The following CCT8 variants were observed in gnomAD, a reference collection of about 807,000 sequenced individuals.
The protein encoded by CCT8 is T-complex protein 1 subunit theta.
Under a neutral mutation model 65.7 loss-of-function variants are expected in CCT8, and 10 were observed. That is an observed-to-expected ratio of 0.15 (90% CI 0.09 to 0.26). CCT8 has a LOEUF of 0.26. CCT8 is among the 10% of genes least tolerant of loss of function. The pLI is 1.00. For missense variants in CCT8, 568 were observed against 669.1 expected, an observed-to-expected ratio of 0.85 and a Z score of 1.67; for synonymous variants, 199 against 221.8, an observed-to-expected ratio of 0.90 and a Z score of 0.92.
At chr21:29,071,448 G>A (rs1402467835) in intron 1 of CCT8, among the ~76,000 whole-genome samples, 11 of 149,744 alleles carry the variant, frequency 7.3e-5, no homozygotes. Flanking sequence ...AGTGAGCTGA[G>A]ATCGTGGCAC....
chr21:29,064,832 TA>T, intron 7 of CCT8, 135 bp downstream of exon 7: 3 of 673,100 alleles, frequency 4.5e-6, no homozygotes, highest in Non-Finnish European at 7.6e-6. Flanking sequence ...TTGAAGACTA[TA>T]AATCTGGCAT....
At chr21:29,067,784 G>C (rs2085640271) in intron 3 of CCT8, 79 bp from the exon 4 acceptor site, 3 of 1,103,778 alleles carry the variant, frequency 2.7e-6, no homozygotes, top group Non-Finnish European at 3.6e-6. Flanking sequence ...TTCTTAAATA[G>C]ACTCAATTTT....
intron 14 of CCT8, among the ~76,000 whole-genome samples, chr21:29,057,608 AAAAATATATATATATAT>A (rs1220754424): frequency 8.1e-6 from 1 of 123,954 alleles, no homozygotes; most frequent in Non-Finnish European, 1.9e-5. Flanking sequence ...TACAAAAACT[AAAAATATATATATATAT>A]AAAATATATA....
At chr21:29,069,545 A>C in intron 2 of CCT8, 43 bp from the exon 3 acceptor site, 2 of 1,187,062 alleles carry the variant, frequency 1.7e-6, no homozygotes, top group Non-Finnish European at 2.4e-6. Flanking sequence ...AGCCATTATT[A>C]ATCAAATCCT....
intron 1 of CCT8, among the ~76,000 whole-genome samples, chr21:29,071,726 G>A (rs536286691): frequency 6.6e-6 from 1 of 152,180 alleles, no homozygotes; most frequent in African/African-American, 2.4e-5. Context: ...AATAAGAACT[G>A]TTATTCCAGC....
intron 4 of CCT8, 131 bp downstream of exon 4, chr21:29,067,425 T>C: frequency 3.3e-6 from 2 of 609,116 alleles, no homozygotes; most frequent in Non-Finnish European, 5.1e-6. Context: ...ATATGTACTA[T>C]AATGGCTGGT....
At chr21:29,059,006 TG>T (rs1353684440) in intron 14 of CCT8, among the ~76,000 whole-genome samples, 2 of 151,972 alleles carry the variant, frequency 1.3e-5, no homozygotes, top group Non-Finnish European at 2.9e-5. Flanking sequence ...CTTCAACTCC[TG>T]GGCTCAAGTG....
chr21:29,065,109 A>C lies in CCT8; in HGVS notation c.625-4T>G. On this transcript the variant is annotated splice_region_variant and splice_polypyrimidine_tract_variant and intron_variant, in intron 6 of 14. Coordinates refer to ENST00000286788, the MANE Select transcript of CCT8 (RefSeq NM_006585.4). ...AAGAGGAACTGATACCAGAGCCCTA[A>C]GGAATTGAATACCAAACTCATCAGC... is the stretch of plus-strand genomic sequence containing the variant. The C allele has an allele frequency of 1.2e-6, 2 of 1,613,684 alleles. No homozygotes were observed. Among genetic ancestry groups the C allele is most frequent in the Non-Finnish European group, 1.7e-6 (2 of 1,179,842 alleles).
At chr21:29,062,798 C>T (rs2085578744) in intron 8 of CCT8, 1 of 522,122 alleles carries the variant, frequency 1.9e-6, no homozygotes, top group African/African-American at 1.9e-5. Flanking sequence ...TGGCATTGTT[C>T]TAGAATTGGG....
intron 3 of CCT8, among the ~76,000 whole-genome samples, chr21:29,068,972 A>G (rs563078757): frequency 2.0e-5 from 3 of 152,328 alleles, no homozygotes; most frequent in African/African-American, 7.2e-5. Flanking sequence ...CCCTGCTGGC[A>G]GGCAGTATCT....
At chr21:29,069,717 C>T (rs1471340772) in intron 2 of CCT8, among the ~76,000 whole-genome samples, 1 of 152,186 alleles carries the variant, frequency 6.6e-6, no homozygotes, top group African/African-American at 2.4e-5. Flanking sequence ...TTTCTAATGT[C>T]CTACAATATT....
chr21:29,062,684 G>C (rs1167631817), intron 8 of CCT8, 128 bp from the exon 9 acceptor site: 2 of 724,656 alleles, frequency 2.8e-6, no homozygotes, highest in African/African-American at 1.8e-5. Context: ...TTTTAACTCA[G>C]AACATGTCTG....
chr21:29,063,675 T>C lies in CCT8; in HGVS notation c.763-145A>G, dbSNP rs1415511521. 7 of 722,078 alleles carry C rather than the reference T, an allele frequency of 9.7e-6. No homozygotes were observed. In the Admixed American group the frequency reaches 1.4e-4, roughly 15 times the overall value. 44.7% of individuals were successfully genotyped at this position (722,078 alleles called of 1,614,324 possible). A position where few individuals can be genotyped will look rare whatever the true frequency, so the allele number is the denominator to read the frequency against. ...CATATATTATGAAGCAGCAGAATAC[T>C]GTATGTGTGAAATAGAAACTCAGCT... On this transcript the variant is annotated intron_variant, in intron 7 of 14. Transcript: ENST00000286788.
At chr21:29,057,201 GCT>G (rs1398117146) in intron 14 of CCT8, among the ~76,000 whole-genome samples, 1 of 142,864 alleles carries the variant, frequency 7.0e-6, no homozygotes, top group East Asian at 2.0e-4. Flanking sequence ...ACGGAGTCTT[GCT>G]CTGTTGCCCA....
intron 1 of CCT8, chr21:29,071,813 T>G: frequency 1.6e-6 from 1 of 610,060 alleles, no homozygotes; most frequent in Non-Finnish European, 2.9e-6. Context: ...GAAACTACCA[T>G]TTGATCAGAT....
At chr21:29,066,606 G>GT in intron 6 of CCT8, 110 bp downstream of exon 6, 1 of 624,358 alleles carries the variant, frequency 1.6e-6, no homozygotes, top group Non-Finnish European at 2.8e-6. Context: ...AAATCATGAA[G>GT]TAACATTTAG....
chr21:29,059,791 TACC>T (rs984166406), intron 14 of CCT8: 6 of 152,166 alleles, frequency 3.9e-5, no homozygotes, highest in African/African-American at 1.4e-4. Context: ...TTGTTATAAT[TACC>T]ACCAACTGGT....
intron 7 of CCT8, among the ~76,000 whole-genome samples, chr21:29,064,409 T>TAAAAAAAAAAAAAAAAAAAAAAAAAAC (rs2085597477): frequency 3.7e-5 from 1 of 26,714 alleles, no homozygotes; most frequent in Non-Finnish European, 6.2e-5. Context: ...AGCAAGACTC[T>TAAAAAAAAAAAAAAAAAAAAAAAAAAC]AAAAAAAAAA....
intron 1 of CCT8, 193 bp downstream of exon 1, chr21:29,073,338 G>A (rs1054195170): frequency 2.0e-5 from 29 of 1,418,774 alleles, no homozygotes; most frequent in South Asian, 3.0e-5. Context: ...TCCCGGTCGC[G>A]GAAGAAGAGA....
Sources: gnomAD v4.1 joint callset for allele counts (sites outside exome capture counted in the v4.1 genomes callset) on GRCh38, gnomAD v4.1.1 for gene constraint, MANE v1.5 for transcripts, NCBI Gene and HGNC (gene_info 2026-07-23, HGNC 2026-07-21) for gene names.